ERG: variants seen among roughly 807,000 people sequenced by gnomAD.
The protein encoded by ERG is ETS transcription factor ERG.
ERG carries 9 observed loss-of-function variants against 55.3 expected under a neutral mutation model. The ratio of observed to expected loss-of-function variants is 0.16; its 90% confidence interval spans 0.10 to 0.28. The LOEUF is 0.28. ERG is among the 10% of genes least tolerant of loss of function. ERG has a pLI of 1.00. For synonymous variants in ERG, 223 were observed against 237.3 expected (o/e 0.94, Z 0.55); for missense variants, 434 against 631.6 (o/e 0.69, Z 3.35).
At chr21:38,551,251 T>C (rs1199855153) in intron 2 of ERG, among the ~76,000 whole-genome samples, 1 of 152,076 alleles carries the variant, frequency 6.6e-6, no homozygotes, top group Non-Finnish European at 1.5e-5. Flanking sequence ...TCTTTATCAG[T>C]CTAGCTAGTT....
intron 1 of ERG, among the ~76,000 whole-genome samples, chr21:38,605,448 C>A (rs915786165): frequency 6.6e-5 from 10 of 152,156 alleles, no homozygotes; most frequent in Non-Finnish European, 1.5e-4. Flanking sequence ...GAAAATCTAA[C>A]CACCACCAAC....
intron 1 of ERG, among the ~76,000 whole-genome samples, chr21:38,449,834 G>T (rs1196345170): frequency 6.6e-6 from 1 of 152,124 alleles, no homozygotes; most frequent in Non-Finnish European, 1.5e-5. Context: ...GAAAATTTGG[G>T]AGTGGTAAAG....
At chr21:38,418,947 AAAAG>A (rs1569082268) in intron 3 of ERG, among the ~76,000 whole-genome samples, 15 of 132,138 alleles carry the variant, frequency 1.1e-4, no homozygotes, top group African/African-American at 3.5e-4. Flanking sequence ...AAAAAAAAAA[AAAAG>A]AAAGAAAGAA....
intron 1 of ERG, among the ~76,000 whole-genome samples, chr21:38,458,428 A>C (rs2059010352): frequency 6.6e-6 from 1 of 151,050 alleles, no homozygotes; most frequent in Non-Finnish European, 1.5e-5. Context: ...TGGCTCAAAA[A>C]AAAAAAAAAA....
intron 1 of ERG, among the ~76,000 whole-genome samples, chr21:38,638,716 G>A (rs2060405604): frequency 6.6e-6 from 1 of 152,140 alleles, no homozygotes; most frequent in Non-Finnish European, 1.5e-5. Flanking sequence ...GAAATTTGAG[G>A]TCACTCAGAG....
chr21:38,546,609 G>A (rs2059789507), intron 2 of ERG, among the ~76,000 whole-genome samples: 1 of 152,130 alleles, frequency 6.6e-6, no homozygotes, highest in African/African-American at 2.4e-5. Context: ...GGCTGCCAAG[G>A]CATTCCTCCT....
downstream of ERG, among the ~76,000 whole-genome samples, chr21:38,378,939 G>A (rs773045668): frequency 1.8e-4 from 28 of 152,330 alleles, no homozygotes; most frequent in African/African-American, 2.4e-4. Context: ...TAAGTGTACC[G>A]TAGGGGCAGT....
At chr21:38,506,234 T>A (rs2059459792) in intron 2 of ERG, among the ~76,000 whole-genome samples, 1 of 152,202 alleles carries the variant, frequency 6.6e-6, no homozygotes, top group African/African-American at 2.4e-5. Flanking sequence ...AATTTTAGAT[T>A]GTTCAATATG....
chr21:38,455,570 C>T (rs1029404259), intron 1 of ERG, among the ~76,000 whole-genome samples: 3 of 152,144 alleles, frequency 2.0e-5, no homozygotes, highest in Non-Finnish European at 2.9e-5. Flanking sequence ...ATACAGTGTG[C>T]TACGCATCTG....
At chr21:38,532,960 GC>G (rs1171694912) in intron 2 of ERG, among the ~76,000 whole-genome samples, 1 of 152,204 alleles carries the variant, frequency 6.6e-6, no homozygotes, top group Non-Finnish European at 1.5e-5. Context: ...CTTGTAATAA[GC>G]CATCTGAGGG....
intron 2 of ERG, among the ~76,000 whole-genome samples, chr21:38,439,892 T>C (rs968529410): frequency 2.6e-5 from 4 of 152,210 alleles, no homozygotes; most frequent in Non-Finnish European, 5.9e-5. Context: ...TCAAAGCACA[T>C]GGCCTTTTTC....
chr21:38,423,164 T>C (rs2146501393), intron 3 of ERG, among the ~76,000 whole-genome samples: 1 of 152,024 alleles, frequency 6.6e-6, no homozygotes, highest in Middle Eastern at 3.4e-3. Flanking sequence ...TGGGGCTACA[T>C]ACTGCTGTCT....
downstream of ERG, among the ~76,000 whole-genome samples, chr21:38,376,341 G>C (rs1249096347): frequency 6.6e-6 from 1 of 152,156 alleles, no homozygotes. Context: ...ATGTTTCCAT[G>C]GGACGGACAC....
At chr21:38,590,935 T>C (rs527692645) in intron 1 of ERG, among the ~76,000 whole-genome samples, 5 of 152,310 alleles carry the variant, frequency 3.3e-5, no homozygotes, top group African/African-American at 9.6e-5. Context: ...AAAACAGAAA[T>C]TCTGCAATCC....
chr21:38,650,280 G>A (rs1366302357), intron 1 of ERG, among the ~76,000 whole-genome samples: 1 of 152,190 alleles, frequency 6.6e-6, no homozygotes, highest in Non-Finnish European at 1.5e-5. Flanking sequence ...AAATGTGAAT[G>A]AGTAAGAATC....
Position 38,381,750 on chromosome 21 carries a change from G to T in ERG, c.*1653C>A. 9.4e-7 allele frequency: 1 copy of T among 1,063,222 alleles called. No homozygotes were observed. The highest frequency in any genetic ancestry group is 1.1e-6 in the Non-Finnish European group (1 of 878,080). The allele number at this position is 1,063,222 out of a possible 1,614,324, so 65.9% of individuals were successfully genotyped here. On this transcript the variant is annotated 3_prime_UTR_variant, in exon 10 of 10. Transcript: ENST00000288319. ...CTCAATGACAACCCCAGCTTCATAG[G>T]CCTCTTTCCATTCCAGGCATAAATA...
At chr21:38,497,948 C>T (rs2059393551) in intron 1 of ERG, among the ~76,000 whole-genome samples, 1 of 152,216 alleles carries the variant, frequency 6.6e-6, no homozygotes, top group African/African-American at 2.4e-5. Flanking sequence ...TAAGGAGCCA[C>T]TGAAGAGCCT....
At chr21:38,633,864 G>C (rs755555943) in intron 1 of ERG, among the ~76,000 whole-genome samples, 55 of 125,988 alleles carry the variant, frequency 4.4e-4, no homozygotes, top group Non-Finnish European at 8.4e-4. Context: ...ATGTAGATTG[G>C]CAGCAGTTGA....
At chr21:38,645,073 C>A (rs1012599988) in intron 1 of ERG, among the ~76,000 whole-genome samples, 5 of 152,124 alleles carry the variant, frequency 3.3e-5, no homozygotes, top group Non-Finnish European at 5.9e-5. Flanking sequence ...GTGGGAGGAT[C>A]ATTTGAGTGT....
Sources: allele counts gnomAD v4.1 joint callset (sites outside exome capture counted in the v4.1 genomes callset), GRCh38; gene constraint gnomAD v4.1.1; transcripts MANE v1.5; gene names NCBI Gene and HGNC (gene_info 2026-07-23, HGNC 2026-07-21).